STX8: variants seen among roughly 807,000 people sequenced by gnomAD.
STX8 encodes syntaxin 8.
STX8 carries 23 observed loss-of-function variants against 37.5 expected under a neutral mutation model. The ratio of observed to expected loss-of-function variants is 0.61; its 90% CI spans 0.44 to 0.87. The LOEUF (loss-of-function observed/expected upper bound fraction) is 0.87. Among genes scored for constraint, STX8 ranks in the 40% least tolerant of loss-of-function variants. STX8 has a pLI of 0.00. For missense variants in STX8, 313 were observed against 284.7 expected (o/e 1.10, Z -0.71); for synonymous variants, 115 against 99.1 (o/e 1.16, Z -0.95).
At chr17:9,547,942 C>G (rs1906614085) in intron 3 of STX8, among the ~76,000 whole-genome samples, 1 of 151,632 alleles carries the variant, frequency 6.6e-6, no homozygotes, top group African/African-American at 2.4e-5. Context: ...AGGTGTCCAC[C>G]ACCACACCCA....
intron 7 of STX8, among the ~76,000 whole-genome samples, chr17:9,275,383 CTG>C (rs1907636962): frequency 1.3e-5 from 2 of 152,220 alleles, no homozygotes; most frequent in Admixed American, 1.3e-4. Context: ...TCGCTGCTCT[CTG>C]TCTCTCCTTT....
intron 6 of STX8, among the ~76,000 whole-genome samples, chr17:9,490,972 A>G (rs1382052014): frequency 6.6e-6 from 1 of 152,172 alleles, no homozygotes; most frequent in Non-Finnish European, 1.5e-5. Context: ...GGCTTAGCAC[A>G]TAGTGGGGGC....
intron 7 of STX8, among the ~76,000 whole-genome samples, chr17:9,293,438 A>T (rs1454441170): frequency 6.6e-6 from 1 of 151,776 alleles, no homozygotes; most frequent in Non-Finnish European, 1.5e-5. Context: ...TCAGCTTATG[A>T]GGACCTCACA....
chr17:9,286,227 A>G (rs1324611424), intron 7 of STX8, among the ~76,000 whole-genome samples: 2 of 152,344 alleles, frequency 1.3e-5, no homozygotes, highest in African/African-American at 4.8e-5. Flanking sequence ...TATGAAAACG[A>G]AAGTTATTTA....
At chr17:9,518,249 T>G (rs899203151) in intron 4 of STX8, among the ~76,000 whole-genome samples, 6 of 151,954 alleles carry the variant, frequency 3.9e-5, no homozygotes, top group Non-Finnish European at 5.9e-5. Context: ...ACGACCAAAA[T>G]CTTCTCACTC....
chr17:9,255,478 G>C (rs1377839392), intron 7 of STX8, among the ~76,000 whole-genome samples: 1 of 151,898 alleles, frequency 6.6e-6, no homozygotes, highest in African/African-American at 2.4e-5. Flanking sequence ...GGTGAACTGA[G>C]ATTGTGCCAC....
At chr17:9,340,734 C>A (rs1004551417) in intron 7 of STX8, among the ~76,000 whole-genome samples, 2 of 135,508 alleles carry the variant, frequency 1.5e-5, no homozygotes, top group African/African-American at 5.5e-5. Flanking sequence ...CTGGGCTGAC[C>A]GCAACCTCTG....
intron 4 of STX8, among the ~76,000 whole-genome samples, chr17:9,516,679 G>T (rs1905169420): frequency 6.6e-6 from 1 of 152,000 alleles, no homozygotes; most frequent in Non-Finnish European, 1.5e-5. Context: ...ATTTGGGGTG[G>T]TGCCTATTAT....
At chr17:9,529,246 T>TGAGAGAGA (rs1567598900) in intron 4 of STX8, among the ~76,000 whole-genome samples, 7 of 12,788 alleles carry the variant, frequency 5.5e-4, no homozygotes, top group African/African-American at 1.4e-3. Flanking sequence ...GACATAGCTC[T>TGAGAGAGA]TAGAGAGAGA....
intron 7 of STX8, among the ~76,000 whole-genome samples, chr17:9,269,583 G>T (rs1264152227): frequency 6.6e-6 from 1 of 152,130 alleles, no homozygotes; most frequent in African/African-American, 2.4e-5. Flanking sequence ...CCACTCTTCT[G>T]GAAAAAAGTA....
At chr17:9,289,043 T>C (rs1003198859) in intron 7 of STX8, among the ~76,000 whole-genome samples, 2 of 151,996 alleles carry the variant, frequency 1.3e-5, no homozygotes, top group Admixed American at 6.6e-5. Context: ...AAGAGCAAAA[T>C]AGGATGTACA....
chr17:9,403,397 AAACACTGATTC>A (rs1315625246), intron 6 of STX8, among the ~76,000 whole-genome samples: 2 of 152,210 alleles, frequency 1.3e-5, no homozygotes, highest in African/African-American at 4.8e-5. Flanking sequence ...ATAGAACAAT[AAACACTGATTC>A]AACACTGAAA....
intron 6 of STX8, among the ~76,000 whole-genome samples, chr17:9,484,661 C>CAAAA (rs61165957): frequency 5.3e-5 from 7 of 131,574 alleles, no homozygotes; most frequent in Admixed American, 7.8e-5. Context: ...ACTAAAAATA[C>CAAAA]AAAAAAAAAA....
Position 9,250,525 on chromosome 17 carries a change from G to T in STX8, c.*53C>A. 1 of 1,494,968 alleles carries T rather than the reference G, an allele frequency of 6.7e-7. No homozygotes were observed. Among genetic ancestry groups the T allele is most frequent in the Non-Finnish European group, 9.2e-7 (1 of 1,092,130 alleles). The allele number at this position is 1,494,968 out of a possible 1,614,324, so 92.6% of individuals were successfully genotyped here. ...AGGTTTTGCGTACCAAAAGGGTGTT[G>T]GGCTTGCATCTGTCATTGGCAGGTG... On this transcript the variant is annotated 3_prime_UTR_variant, in exon 8 of 8. Transcript: ENST00000306357.
chr17:9,291,343 G>A (rs1385975036), intron 7 of STX8, among the ~76,000 whole-genome samples: 1 of 151,792 alleles, frequency 6.6e-6, no homozygotes, highest in Non-Finnish European at 1.5e-5. Context: ...CTACTCAGGA[G>A]GGAGGGAGGA....
chr17:9,465,649 G>A (rs975913820), intron 6 of STX8, among the ~76,000 whole-genome samples: 2 of 152,290 alleles, frequency 1.3e-5, no homozygotes, highest in East Asian at 1.9e-4. Flanking sequence ...CAAGCAGCAC[G>A]CCTGTCATCA....
At position 9,290,822 on chromosome 17, in the gene STX8, A is replaced by C. The variant is rs988856965; in HGVS notation, c.644-40177T>G. Among the ~76,000 whole-genome samples, 18 of 152,342 alleles carry C rather than the reference A, an allele frequency of 1.2e-4. No individual in the cohort carries two copies. The South Asian group carries it at 3.7e-3, about 32-fold the overall frequency. Reference sequence around the variant, plus strand: ...GAAAAGGGGAAAGGCACACATTGCCACCCAGTCCAGGACGTACATGCTTCT... The same window carrying C: ...GAAAAGGGGAAAGGCACACATTGCCCCCCAGTCCAGGACGTACATGCTTCT... On this transcript the variant is annotated intron_variant, in intron 7 of 7. Transcript: ENST00000306357.
chr17:9,499,053 G>A (rs1359428905), intron 5 of STX8, among the ~76,000 whole-genome samples: 1 of 152,140 alleles, frequency 6.6e-6, no homozygotes, highest in Non-Finnish European at 1.5e-5. Flanking sequence ...GTTACGATGA[G>A]GCTTCACTTC....
At chr17:9,351,856 T>C (rs762811830) in intron 7 of STX8, among the ~76,000 whole-genome samples, 10 of 152,094 alleles carry the variant, frequency 6.6e-5, no homozygotes, top group Non-Finnish European at 1.5e-4. Context: ...GTGTTAATTA[T>C]ACCGCATCAA....
Sources: allele counts gnomAD v4.1 joint callset (sites outside exome capture counted in the v4.1 genomes callset), GRCh38; gene constraint gnomAD v4.1.1; transcripts MANE v1.5; gene names NCBI Gene and HGNC (gene_info 2026-07-23, HGNC 2026-07-21).